LANCL1: variants seen among roughly 807,000 people sequenced by gnomAD.
The protein encoded by LANCL1 is LanC like glutathione S-transferase 1, also known as glutathione S-transferase LANCL1.
Under a neutral mutation model 50.6 loss-of-function variants are expected in LANCL1, and 50 were observed. The observed-to-expected ratio is 0.99, with a 90% confidence interval of 0.79 to 1.25. The LOEUF (loss-of-function observed/expected upper bound fraction) is 1.25. Among genes scored for constraint, LANCL1 ranks in the 50% most tolerant of loss-of-function variants. The probability of loss-of-function intolerance (pLI) is 0.00; values close to 1 mark genes in which losing one functional copy is unlikely to be tolerated. For synonymous variants in LANCL1, 188 were observed against 178.6 expected (o/e 1.05, Z -0.42); for missense variants, 532 against 480.7 (o/e 1.11, Z -1.00).
intron 3 of LANCL1, among the ~76,000 whole-genome samples, chr2:210,459,350 A>G (rs929816715): frequency 1.3e-5 from 2 of 151,774 alleles, no homozygotes; most frequent in Non-Finnish European, 2.9e-5. Flanking sequence ...ACTAGAAGAA[A>G]ACATAGAAGA....
chr2:210,456,105 G>C (rs1693666663), intron 3 of LANCL1, among the ~76,000 whole-genome samples: 1 of 152,236 alleles, frequency 6.6e-6, no homozygotes, highest in Non-Finnish European at 1.5e-5. Flanking sequence ...AGTGGAAAGA[G>C]CCTTCCCTCT....
chr2:210,476,235 A>C, intron 2 of LANCL1, 81 bp downstream of exon 2: 1 of 925,348 alleles, frequency 1.1e-6, no homozygotes, highest in Non-Finnish European at 1.7e-6. Flanking sequence ...GGGGATGCTC[A>C]ACTCTCTCAG....
At chr2:210,465,370 G>C (rs553313505) in intron 3 of LANCL1, among the ~76,000 whole-genome samples, 1 of 152,174 alleles carries the variant, frequency 6.6e-6, no homozygotes. Flanking sequence ...GAAAAAAGTC[G>C]TGACATTACA....
chr2:210,456,378 C>T (rs1693675396), intron 3 of LANCL1, among the ~76,000 whole-genome samples: 1 of 152,104 alleles, frequency 6.6e-6, no homozygotes, highest in African/African-American at 2.4e-5. Flanking sequence ...TCTCATTTTG[C>T]ATGGGTAATC....
At chr2:210,467,189 C>A (rs10184506) in intron 3 of LANCL1, among the ~76,000 whole-genome samples, 2 of 152,246 alleles carry the variant, frequency 1.3e-5, no homozygotes, top group South Asian at 4.1e-4. Flanking sequence ...ATTTCTGACA[C>A]GGATTCGTAT....
At chr2:210,477,239 A>G (rs1694416070), upstream of LANCL1, among the ~76,000 whole-genome samples, 1 of 152,208 alleles carries the variant, frequency 6.6e-6, no homozygotes, top group Admixed American at 6.5e-5. Flanking sequence ...AGCAGTTGAT[A>G]ATACTTTGGG....
intron 9 of LANCL1, 30 bp from the exon 10 acceptor site, chr2:210,434,593 T>A (rs1457623904): frequency 6.5e-7 from 1 of 1,543,224 alleles, no homozygotes; most frequent in East Asian, 2.2e-5. Flanking sequence ...CAAAAGTTAT[T>A]ATACCAAATG....
At position 210,434,178 on chromosome 2, in the gene LANCL1, C is replaced by T. The variant is rs1347219608; in HGVS notation, c.*309G>A. 2 of 218,800 alleles carry T rather than the reference C, an allele frequency of 9.1e-6. No individual in the cohort carries two copies. Among genetic ancestry groups the T allele is most frequent in the African/African-American group, 2.3e-5 (1 of 43,958 alleles). 13.6% of individuals were successfully genotyped at this position (218,800 alleles called of 1,614,324 possible). On this transcript the variant is annotated 3_prime_UTR_variant, in exon 10 of 10. Transcript: ENST00000450366. Reference sequence around the variant, plus strand: ...TAGAACAGTAACAGATGGTTATATTCATAAACTTAAATAAGATTTCCTCCA... The same window carrying T: ...TAGAACAGTAACAGATGGTTATATTTATAAACTTAAATAAGATTTCCTCCA...
chr2:210,435,951 G>GCC (rs1692916849), intron 8 of LANCL1, among the ~76,000 whole-genome samples: 1 of 139,550 alleles, frequency 7.2e-6, no homozygotes, highest in Admixed American at 7.8e-5. Flanking sequence ...ACCCAGGCTG[G>GCC]AGTACAATGG....
intron 1 of LANCL1, 28 bp from the exon 2 acceptor site, chr2:210,476,440 A>C (rs1574450384): frequency 1.3e-6 from 2 of 1,595,162 alleles, no homozygotes; most frequent in East Asian, 2.3e-5. Context: ...AACAGAAACT[A>C]GGTTGAGATA....
At chr2:210,474,589 G>A (rs543071243) in intron 2 of LANCL1, among the ~76,000 whole-genome samples, 37 of 151,756 alleles carry the variant, frequency 2.4e-4, no homozygotes, top group African/African-American at 8.2e-4. Flanking sequence ...AGCCAGGTGC[G>A]GTGGTGTGCA....
At chr2:210,440,181 A>T (rs918282099) in intron 6 of LANCL1, among the ~76,000 whole-genome samples, 3 of 152,196 alleles carry the variant, frequency 2.0e-5, no homozygotes, top group African/African-American at 7.2e-5. Context: ...ACAAGTGCTC[A>T]TTTGTTTTCT....
chr2:210,469,496 C>A (rs1694161230), intron 3 of LANCL1, among the ~76,000 whole-genome samples: 1 of 152,158 alleles, frequency 6.6e-6, no homozygotes, highest in South Asian at 2.1e-4. Flanking sequence ...AAACCATTAG[C>A]AAATTTATCT....
intron 2 of LANCL1, among the ~76,000 whole-genome samples, chr2:210,474,619 AGGAGGCT>A (rs540897628): frequency 1.1e-3 from 168 of 151,964 alleles, no homozygotes; most frequent in Non-Finnish European, 2.1e-3. Flanking sequence ...CCAGCTACTC[AGGAGGCT>A]GGGGCATGAG....
rs993791793 is a variant in LANCL1 at position 210,433,917 on chromosome 2, G to T, written c.*570C>A. 1 of 152,156 alleles carries T rather than the reference G, an allele frequency of 6.6e-6. No homozygotes were observed. Among genetic ancestry groups the T allele is most frequent in the Non-Finnish European group, 1.5e-5 (1 of 68,010 alleles). The allele number at this position is 152,156 out of a possible 1,614,324, so 9.4% of individuals were successfully genotyped here. A position where few individuals can be genotyped will look rare whatever the true frequency, so the allele number is the denominator to read the frequency against. ...TACCTCTAGTCCAAATAGGCATCAA[G>T]AATTTAAAAAATGATATTTAGGTAC... is the stretch of plus-strand genomic sequence containing the variant. On this transcript the variant is annotated 3_prime_UTR_variant, in exon 10 of 10. Transcript: ENST00000450366.
At chr2:210,437,566 T>G (rs1692975986) in intron 7 of LANCL1, 124 bp downstream of exon 7, 1 of 532,184 alleles carries the variant, frequency 1.9e-6, no homozygotes, top group Non-Finnish European at 3.2e-6. Context: ...ATTCATTTAG[T>G]AAAGTGATCT....
In LANCL1 at chr2:210,474,194, T is replaced by C. The variant is rs1008459540; in HGVS notation, c.82-2118A>G. Among the ~76,000 whole-genome samples the C allele has an allele frequency of 3.3e-5, 5 of 152,216 alleles. No individual in the cohort carries two copies. The East Asian group carries it at 5.8e-4, about 18-fold the overall frequency. On this transcript the variant is annotated intron_variant, in intron 2 of 9. Coordinates refer to ENST00000450366, the MANE Select transcript of LANCL1 (RefSeq NM_006055.3). ...AAGTCCTTTTTTCTTTTCTATTTTT[T>C]TCTGACAGATGCCAGAAAACAGACC...
chr2:210,435,287 A>G, intron 9 of LANCL1, 100 bp downstream of exon 9: 4 of 831,594 alleles, frequency 4.8e-6, no homozygotes. Context: ...TAGTTTAAGA[A>G]TAATTATAAA....
rs1694397051 is a variant in LANCL1, at chr2:210,476,749, G to A, written c.-146C>T. 3.8e-6 allele frequency: 4 copies of A among 1,052,512 alleles called. No homozygotes were observed. The highest frequency in any genetic ancestry group is 3.7e-5 in the South Asian group (1 of 26,922). 65.2% of individuals were successfully genotyped at this position (1,052,512 alleles called of 1,614,324 possible). A position where few individuals can be genotyped will look rare whatever the true frequency, so the allele number is the denominator to read the frequency against. On this transcript the variant is annotated 5_prime_UTR_variant, in exon 1 of 10. Transcript: ENST00000450366. ...CGCAGCCCCGGACAGTAACAGAAGG[G>A]CTATTTTACCGCCCAGTTCCTGCCA...
Sources: gnomAD v4.1 joint callset for allele counts (sites outside exome capture counted in the v4.1 genomes callset) on GRCh38, gnomAD v4.1.1 for gene constraint, MANE v1.5 for transcripts, NCBI Gene and HGNC (gene_info 2026-07-23, HGNC 2026-07-21) for gene names.